SAMMSON: variants seen among roughly 807,000 people sequenced by gnomAD.
The protein encoded by SAMMSON is survival associated mitochondrial melanoma specific oncogenic non-coding RNA.
At chr3:70,335,096 A>G (rs1246285239) in intron 7 of SAMMSON, among the ~76,000 whole-genome samples, 1 of 151,548 alleles carries the variant, frequency 6.6e-6, no homozygotes, top group Non-Finnish European at 1.5e-5. Context: ...GTTCCCTTAT[A>G]TGTAGAATGG....
intron 2 of SAMMSON, among the ~76,000 whole-genome samples, chr3:70,431,535 T>A (rs1701412520): frequency 6.6e-6 from 1 of 152,066 alleles, no homozygotes. Context: ...AACAAAGGAT[T>A]ACCCTCATTG....
At chr3:70,245,258 A>G (rs1261997233) in intron 4 of SAMMSON, among the ~76,000 whole-genome samples, 1 of 152,122 alleles carries the variant, frequency 6.6e-6, no homozygotes, top group Non-Finnish European at 1.5e-5. Context: ...TGAGAATTAG[A>G]AAAAAACCAA....
chr3:70,102,639 T>C (rs1358370149), intron 4 of SAMMSON, among the ~76,000 whole-genome samples: 1 of 152,122 alleles, frequency 6.6e-6, no homozygotes, highest in Non-Finnish European at 1.5e-5. Context: ...GAGGGAGAAT[T>C]CATCACTGAT....
intron 6 of SAMMSON, among the ~76,000 whole-genome samples, chr3:70,268,755 A>G (rs9832371): frequency 0.012 from 1,765 of 152,304 alleles, 36 homozygotes; most frequent in African/African-American, 0.039. Context: ...AAATACTTCA[A>G]TGAAGTATCT....
chr3:70,007,522 T>C (rs556899518), intron 1 of SAMMSON, among the ~76,000 whole-genome samples: 133 of 152,310 alleles, frequency 8.7e-4, no homozygotes, highest in African/African-American at 3.1e-3. Context: ...TTGTTTGAGT[T>C]CATTGTAGAT....
At chr3:70,235,304 A>G (rs570867056) in intron 4 of SAMMSON, among the ~76,000 whole-genome samples, 4 of 152,238 alleles carry the variant, frequency 2.6e-5, no homozygotes, top group African/African-American at 9.6e-5. Flanking sequence ...TAGAGACTAT[A>G]AATCCTTTGT....
chr3:70,240,832 G>T (rs1205259362), intron 4 of SAMMSON, among the ~76,000 whole-genome samples: 10 of 152,074 alleles, frequency 6.6e-5, no homozygotes. Context: ...ATATTAAGTG[G>T]TGTTCTGAAA....
At chr3:70,269,087 T>G (rs1701951135) in intron 6 of SAMMSON, among the ~76,000 whole-genome samples, 2 of 152,090 alleles carry the variant, frequency 1.3e-5, no homozygotes, top group Admixed American at 6.6e-5. Flanking sequence ...AAAAAATATA[T>G]ACATATATAA....
rs142529367 is a variant in SAMMSON, at chr3:70,343,303, T to C, written n.740-10872T>C. 2.0e-3 allele frequency among the ~76,000 whole-genome samples: 297 copies of C among 152,304 alleles called. 1 individual carries two copies. The highest frequency in any genetic ancestry group is 6.7e-3 in the African/African-American group (278 of 41,580). On this transcript the variant is annotated intron_variant and non_coding_transcript_variant, in intron 7 of 9. Coordinates refer to ENST00000642114, the Ensembl canonical transcript of SAMMSON. Reference sequence around the variant, plus strand: ...TCATTTTTTTAGTTTTAATATTAACTAAAGGTTCTTTTTCGGTTCCAGGAT... The same window carrying C: ...TCATTTTTTTAGTTTTAATATTAACCAAAGGTTCTTTTTCGGTTCCAGGAT...
chr3:70,220,556 T>A (rs2106736371), intron 4 of SAMMSON, among the ~76,000 whole-genome samples: 1 of 152,306 alleles, frequency 6.6e-6, no homozygotes, highest in Non-Finnish European at 1.5e-5. Flanking sequence ...TGAAGTGAAT[T>A]TCAACATACA....
At chr3:70,181,083 G>A (rs966985910) in intron 4 of SAMMSON, among the ~76,000 whole-genome samples, 15 of 152,152 alleles carry the variant, frequency 9.9e-5, no homozygotes, top group African/African-American at 2.9e-4. Flanking sequence ...GTGGGTGAAC[G>A]TTGAGAGTAT....
intron 6 of SAMMSON, among the ~76,000 whole-genome samples, chr3:70,255,746 C>T (rs1575607925): frequency 6.6e-6 from 1 of 152,114 alleles, no homozygotes; most frequent in Non-Finnish European, 1.5e-5. Flanking sequence ...TATGATCCCC[C>T]GTACCCAGCC....
chr3:70,253,717 C>T (rs971100930), intron 6 of SAMMSON, among the ~76,000 whole-genome samples: 1 of 151,854 alleles, frequency 6.6e-6, no homozygotes, highest in East Asian at 1.9e-4. Flanking sequence ...TGCAAAACCC[C>T]AACTCTAAAA....
At chr3:70,282,172 T>C (rs1702091606) in intron 6 of SAMMSON, among the ~76,000 whole-genome samples, 4 of 152,164 alleles carry the variant, frequency 2.6e-5, no homozygotes, top group Admixed American at 2.6e-4. Flanking sequence ...TCCCATCTCC[T>C]GGGATGCAGT....
At chr3:70,099,727 T>A (rs2067335446) in intron 4 of SAMMSON, among the ~76,000 whole-genome samples, 1 of 152,214 alleles carries the variant, frequency 6.6e-6, no homozygotes, top group Non-Finnish European at 1.5e-5. Context: ...TACTTAAGTT[T>A]TGGCAAATAC....
At chr3:70,323,380 T>G (rs1702551709) in intron 7 of SAMMSON, among the ~76,000 whole-genome samples, 1 of 152,144 alleles carries the variant, frequency 6.6e-6, no homozygotes, top group Non-Finnish European at 1.5e-5. Context: ...ATTGTCAACT[T>G]CTCTGAGTTA....
chr3:70,084,480 C>A (rs928872388), intron 4 of SAMMSON, among the ~76,000 whole-genome samples: 1 of 152,112 alleles, frequency 6.6e-6, no homozygotes, highest in Non-Finnish European at 1.5e-5. Context: ...TATTTTTCTT[C>A]CTCATTTCTC....
In SAMMSON at chr3:70,214,547, C is replaced by T. The variant is rs374226619; in HGVS notation, n.508-34560C>T. Among the ~76,000 whole-genome samples, 102 of 151,118 alleles carry T rather than the reference C, an allele frequency of 6.7e-4. 2 individuals are homozygous for T. The South Asian group carries it at 0.021, about 30-fold the overall frequency. ...TGAGGGAAGAAGGCTGAGCATGGCC[C>T]CCTCCCCAAGCTTCCCCAACACCTG... is the stretch of plus-strand genomic sequence containing the variant. On this transcript the variant is annotated intron_variant and non_coding_transcript_variant, in intron 4 of 9. Coordinates refer to ENST00000642114, the Ensembl canonical transcript of SAMMSON.
intron 3 of SAMMSON, among the ~76,000 whole-genome samples, chr3:70,016,511 A>T (rs1350324019): frequency 1.3e-5 from 2 of 152,034 alleles, no homozygotes; most frequent in Admixed American, 6.6e-5. Flanking sequence ...AGTAGATTGC[A>T]AAAATTTTCT....
Sources: gnomAD v4.1 joint callset for allele counts (sites outside exome capture counted in the v4.1 genomes callset) on GRCh38, gnomAD v4.1.1 for gene constraint, MANE v1.5 for transcripts, NCBI Gene and HGNC (gene_info 2026-07-23, HGNC 2026-07-21) for gene names.